PACRG: variants seen among roughly 807,000 people sequenced by gnomAD.
PACRG encodes parkin coregulated.
In PACRG, 29 loss-of-function variants were observed where a neutral mutation model predicts 29.7. The observed-to-expected ratio is 0.98, with a 90% CI of 0.73 to 1.33. The LOEUF is 1.33. Ranked by LOEUF, PACRG falls within the 40% of genes most tolerant of loss-of-function variation. The probability of loss-of-function intolerance (pLI) is 0.00; values close to 1 mark genes in which losing one functional copy is unlikely to be tolerated. For missense variants in PACRG, 279 were observed against 316.2 expected (o/e 0.88, Z 0.89); for synonymous variants, 116 against 118.7 (o/e 0.98, Z 0.15).
intron 2 of PACRG, among the ~76,000 whole-genome samples, chr6:163,038,311 T>G (rs1189450728): frequency 1.3e-5 from 2 of 152,262 alleles, no homozygotes; most frequent in East Asian, 3.9e-4. Flanking sequence ...GCAGGACACA[T>G]CTAGCAAATA....
intron 2 of PACRG, among the ~76,000 whole-genome samples, chr6:162,957,874 A>G (rs908517709): frequency 6.6e-6 from 1 of 152,192 alleles, no homozygotes; most frequent in Non-Finnish European, 1.5e-5. Context: ...ACTCTCAGCC[A>G]TTTGCTGGAG....
intron 2 of PACRG, among the ~76,000 whole-genome samples, chr6:162,825,128 T>G (rs1414988037): frequency 6.6e-6 from 1 of 152,222 alleles, no homozygotes; most frequent in Non-Finnish European, 1.5e-5. Context: ...CTTTAGGTAG[T>G]CAATCCACAT....
intron 2 of PACRG, among the ~76,000 whole-genome samples, chr6:163,012,501 G>A (rs1467492740): frequency 2.0e-5 from 3 of 152,316 alleles, no homozygotes; most frequent in African/African-American, 4.8e-5. Flanking sequence ...GTGTATATAC[G>A]ATTTTAAACA....
intron 4 of PACRG, among the ~76,000 whole-genome samples, chr6:163,096,067 T>C (rs1210061747): frequency 1.3e-5 from 2 of 152,174 alleles, no homozygotes; most frequent in Non-Finnish European, 2.9e-5. Context: ...ATGTCATGCC[T>C]TTTCCTTTCA....
chr6:163,109,553 T>C (rs1815593098), intron 4 of PACRG, among the ~76,000 whole-genome samples: 1 of 152,222 alleles, frequency 6.6e-6, no homozygotes. Flanking sequence ...ATCTTTATAA[T>C]CTCTTAACAT....
At chr6:162,920,945 C>T (rs1259282812) in intron 2 of PACRG, among the ~76,000 whole-genome samples, 1 of 152,062 alleles carries the variant, frequency 6.6e-6, no homozygotes, top group African/African-American at 2.4e-5. Flanking sequence ...CTGCCTAAGG[C>T]TTTCATAAAA....
Position 162,814,236 on chromosome 6 carries a change from A to G in PACRG, c.246A>G (p.Pro82=). 1.2e-6 allele frequency: 2 copies of G among 1,614,030 alleles called. No homozygotes were observed. Among genetic ancestry groups the G allele is most frequent in the Non-Finnish European group, 1.7e-6 (2 of 1,179,932 alleles). The change falls in exon 2 of 5, where the codon CCA becomes CCG. Residue 82 remains proline, a synonymous_variant. Coordinates refer to ENST00000366888, the MANE Select transcript of PACRG (RefSeq NM_001080379.2). ...FRKFYERGDF[P]IALEHDSKGN... ...AATTCTATGAGCGAGGTGACTTCCCAATTGCCCTTGAGCATGATTCGAAAG... is the reference window on the plus strand; with the variant it reads ...AATTCTATGAGCGAGGTGACTTCCCGATTGCCCTTGAGCATGATTCGAAAG...
At chr6:163,050,396 T>C (rs1809873641) in intron 2 of PACRG, among the ~76,000 whole-genome samples, 1 of 152,154 alleles carries the variant, frequency 6.6e-6, no homozygotes, top group Non-Finnish European at 1.5e-5. Context: ...TTGCTATTCC[T>C]TTCTAGTATC....
At chr6:162,957,575 T>C (rs1800149332) in intron 2 of PACRG, 1 of 202,744 alleles carries the variant, frequency 4.9e-6, no homozygotes, top group Non-Finnish European at 1.0e-5. Context: ...TCTAAGACCA[T>C]TCTGAGTGCA....
chr6:163,081,489 C>CTCA (rs1009109554), intron 3 of PACRG, among the ~76,000 whole-genome samples: 7 of 152,178 alleles, frequency 4.6e-5, no homozygotes, highest in Admixed American at 3.9e-4. Context: ...GGCATGGTGG[C>CTCA]TCACGCCTGT....
intron 2 of PACRG, among the ~76,000 whole-genome samples, chr6:162,856,589 C>G (rs948089066): frequency 1.7e-4 from 18 of 109,056 alleles, no homozygotes; most frequent in Non-Finnish European, 3.2e-4. Context: ...CGGCACGTCT[C>G]GAAGAAAAAA....
At chr6:162,936,832 C>G (rs555367387) in intron 2 of PACRG, among the ~76,000 whole-genome samples, 1 of 151,230 alleles carries the variant, frequency 6.6e-6, no homozygotes, top group East Asian at 1.9e-4. Context: ...TATAGAGAGA[C>G]CCATTTACTT....
intron 4 of PACRG, among the ~76,000 whole-genome samples, chr6:163,140,118 T>C (rs1401699098): frequency 6.6e-6 from 1 of 152,188 alleles, no homozygotes; most frequent in African/African-American, 2.4e-5. Flanking sequence ...GATGGCTCTA[T>C]ACACGTAGAC....
At chr6:162,925,832 G>C (rs1421496248) in intron 2 of PACRG, among the ~76,000 whole-genome samples, 1 of 151,922 alleles carries the variant, frequency 6.6e-6, no homozygotes, top group East Asian at 1.9e-4. Flanking sequence ...AAGAAATCAA[G>C]GTATTCAAAT....
rs569526500 is a variant in PACRG at position 163,177,191 on chromosome 6, A to G, written c.613+87783A>G. 1.6e-4 allele frequency among the ~76,000 whole-genome samples: 25 copies of G among 152,350 alleles called. No homozygotes were observed. In the South Asian group the frequency reaches 4.4e-3, roughly 27 times the overall value. ...CACACAGCTTAGCAGTTAGTTACACATACGGCCCAGGGAGATAGAGACAGA... is the reference window on the plus strand; with the variant it reads ...CACACAGCTTAGCAGTTAGTTACACGTACGGCCCAGGGAGATAGAGACAGA... On this transcript the variant is annotated intron_variant, in intron 4 of 4. Coordinates refer to ENST00000366888, the MANE Select transcript of PACRG (RefSeq NM_001080379.2).
chr6:163,267,984 C>A (rs780634826), intron 4 of PACRG, among the ~76,000 whole-genome samples: 11 of 152,080 alleles, frequency 7.2e-5, no homozygotes, highest in Non-Finnish European at 1.3e-4. Context: ...CAATATGTGG[C>A]TTTAGAAAAC....
At chr6:162,910,872 A>G (rs1403344000) in intron 2 of PACRG, among the ~76,000 whole-genome samples, 1 of 152,186 alleles carries the variant, frequency 6.6e-6, no homozygotes, top group Non-Finnish European at 1.5e-5. Context: ...AATGAATCAA[A>G]CCAAAAGTTA....
chr6:163,261,067 A>T (rs1351579603), intron 4 of PACRG, among the ~76,000 whole-genome samples: 1 of 152,000 alleles, frequency 6.6e-6, no homozygotes, highest in Non-Finnish European at 1.5e-5. Flanking sequence ...CAGCCACGAC[A>T]TCAATGCAAA....
chr6:163,162,846 CT>C (rs1391651694), intron 4 of PACRG, among the ~76,000 whole-genome samples: 1 of 152,222 alleles, frequency 6.6e-6, no homozygotes, highest in Non-Finnish European at 1.5e-5. Flanking sequence ...CTAACTCTGA[CT>C]ATGAAACTGG....
Sources: allele counts gnomAD v4.1 joint callset (sites outside exome capture counted in the v4.1 genomes callset), GRCh38; gene constraint gnomAD v4.1.1; transcripts MANE v1.5; gene names NCBI Gene and HGNC (gene_info 2026-07-23, HGNC 2026-07-21).